MCMDC2: variants seen among roughly 807,000 people sequenced by gnomAD.
MCMDC2 encodes the protein minichromosome maintenance domain containing 2, also known as minichromosome maintenance domain-containing protein 2.
In MCMDC2, 54 loss-of-function variants were observed where a neutral mutation model predicts 75.8. The observed-to-expected ratio is 0.71, with a 90% CI of 0.57 to 0.89. MCMDC2 has a LOEUF of 0.89. Ranked by LOEUF, MCMDC2 falls within the 40% of genes least tolerant of loss-of-function variation. MCMDC2 has a pLI of 0.00. For missense variants in MCMDC2, 656 were observed against 780.4 expected, an observed-to-expected ratio of 0.84 and a Z score of 1.90; for synonymous variants, 249 against 274.6, an observed-to-expected ratio of 0.91 and a Z score of 0.92.
intron 9 of MCMDC2, chr8:66,884,594 GA>G (rs932011706): frequency 6.6e-6 from 1 of 151,250 alleles, no homozygotes; most frequent in South Asian, 2.1e-4. Flanking sequence ...ATTTAAAATA[GA>G]AAAAAATAAA....
intron 9 of MCMDC2, among the ~76,000 whole-genome samples, chr8:66,889,986 G>C (rs1038661616): frequency 1.3e-5 from 2 of 151,808 alleles, no homozygotes; most frequent in Non-Finnish European, 2.9e-5. Flanking sequence ...ATAAAAAGAA[G>C]AAGGCCTAAT....
chr8:66,897,018 A>G (rs1004322453), intron 12 of MCMDC2, 59 bp downstream of exon 12: 20 of 1,459,732 alleles, frequency 1.4e-5, no homozygotes, highest in African/African-American at 8.7e-5. Context: ...CAAATTATAT[A>G]GAAGTCCTTT....
chr8:66,884,087 A>AT, intron 9 of MCMDC2, 93 bp downstream of exon 9: 1 of 799,864 alleles, frequency 1.3e-6, no homozygotes, highest in Non-Finnish European at 2.0e-6. Flanking sequence ...GAATATTTAG[A>AT]ATTTTTCTGA....
chr8:66,893,233 G>T (rs1812194894), intron 10 of MCMDC2, among the ~76,000 whole-genome samples: 1 of 152,174 alleles, frequency 6.6e-6, no homozygotes, highest in African/African-American at 2.4e-5. Context: ...AATTAGCTGG[G>T]CCCAGTGGCT....
chr8:66,877,548 A>AATGT lies in MCMDC2; in HGVS notation c.481+5_481+8dup. 2 of 1,589,428 alleles carry AATGT rather than the reference A, an allele frequency of 1.3e-6. No individual in the cohort carries two copies. The highest frequency in any genetic ancestry group is 1.7e-6 in the Non-Finnish European group (2 of 1,170,478). Reference sequence around the variant, plus strand: ...GAAGCATGCCCTCTTTCAAAAGGTAAATGTTAAATAGGAAAATCAAAGCAT... The same window carrying AATGT: ...GAAGCATGCCCTCTTTCAAAAGGTAAATGTATGTTAAATAGGAAAATCAAAGCAT... On this transcript the variant is annotated splice_donor_region_variant and intron_variant, in intron 5 of 14. Coordinates refer to ENST00000422365, the MANE Select transcript of MCMDC2 (RefSeq NM_173518.5).
rs973515753 is a variant in MCMDC2 at position 66,884,104 on chromosome 8, A to G, written c.1073+110A>G. On this transcript the variant is annotated intron_variant, in intron 9 of 14. Coordinates refer to ENST00000422365, the MANE Select transcript of MCMDC2 (RefSeq NM_173518.5). Reference sequence around the variant, plus strand: ...ATATTTAGAATTTTTCTGAGCCAGTATAAGTATTTAAATCAATCTTTATCA... The same window carrying G: ...ATATTTAGAATTTTTCTGAGCCAGTGTAAGTATTTAAATCAATCTTTATCA... 3.2e-5 allele frequency: 22 copies of G among 690,952 alleles called. No individual in the cohort carries two copies. In the Admixed American group the frequency reaches 5.3e-4, roughly 17 times the overall value. The allele number at this position is 690,952 out of a possible 1,614,324, so 42.8% of individuals were successfully genotyped here. A position where few individuals can be genotyped will look rare whatever the true frequency, so the allele number is the denominator to read the frequency against.
chr8:66,878,241 C>G (rs1293567095), intron 5 of MCMDC2, among the ~76,000 whole-genome samples: 5 of 152,164 alleles, frequency 3.3e-5, no homozygotes, highest in Admixed American at 2.6e-4. Context: ...GAACACGCTG[C>G]AAATGAATAC....
At chr8:66,880,173 G>A (rs1811493686) in intron 7 of MCMDC2, among the ~76,000 whole-genome samples, 1 of 152,174 alleles carries the variant, frequency 6.6e-6, no homozygotes, top group Non-Finnish European at 1.5e-5. Context: ...CTTCTTACTA[G>A]TTATTTAGCC....
At chr8:66,904,316 A>G (rs1266147621) in intron 13 of MCMDC2, among the ~76,000 whole-genome samples, 1 of 152,114 alleles carries the variant, frequency 6.6e-6, no homozygotes, top group Admixed American at 6.6e-5. Flanking sequence ...GAGGAGAGAA[A>G]ACACGGAGCA....
chr8:66,909,104 GT>G (rs1449640514), intron 14 of MCMDC2, among the ~76,000 whole-genome samples: 2 of 152,150 alleles, frequency 1.3e-5, no homozygotes, highest in Non-Finnish European at 2.9e-5. Flanking sequence ...AAATCTGATG[GT>G]TTTATAAGGG....
At chr8:66,911,757 G>T (rs1813131528) in intron 14 of MCMDC2, among the ~76,000 whole-genome samples, 1 of 151,674 alleles carries the variant, frequency 6.6e-6, no homozygotes, top group Admixed American at 6.6e-5. Context: ...TGGGAGTCGG[G>T]GGTTGCAGTG....
intron 10 of MCMDC2, among the ~76,000 whole-genome samples, chr8:66,895,107 A>G (rs1055531245): frequency 6.6e-6 from 1 of 152,234 alleles, no homozygotes; most frequent in Non-Finnish European, 1.5e-5. Context: ...CATATAATCT[A>G]TGCACATCCT....
At chr8:66,883,317 G>C (rs1811681109) in intron 8 of MCMDC2, among the ~76,000 whole-genome samples, 1 of 152,172 alleles carries the variant, frequency 6.6e-6, no homozygotes, top group African/African-American at 2.4e-5. Flanking sequence ...AGCAAACACA[G>C]CAATGCAGGC....
At chr8:66,915,288 C>T (rs1013272285) in intron 14 of MCMDC2, among the ~76,000 whole-genome samples, 1 of 151,886 alleles carries the variant, frequency 6.6e-6, no homozygotes, top group Admixed American at 6.6e-5. Context: ...CCTGTCTCTA[C>T]TAAAAAGACA....
chr8:66,925,765 G>T (rs1813701580), downstream of MCMDC2, among the ~76,000 whole-genome samples: 1 of 152,192 alleles, frequency 6.6e-6, no homozygotes, highest in Non-Finnish European at 1.5e-5. Flanking sequence ...GTGACTTCCC[G>T]CAGGGGCTTT....
intron 14 of MCMDC2, among the ~76,000 whole-genome samples, chr8:66,914,323 A>G (rs1813229332): frequency 6.6e-6 from 1 of 151,506 alleles, no homozygotes; most frequent in African/African-American, 2.4e-5. Context: ...ACTAATGAAT[A>G]TATAATACAA....
chr8:66,885,332 C>CAA (rs34478390), intron 9 of MCMDC2, among the ~76,000 whole-genome samples: 12 of 83,582 alleles, frequency 1.4e-4, no homozygotes, highest in Non-Finnish European at 1.7e-4. Context: ...GACTCTGTCT[C>CAA]AAAAAAAAAA....
rs1813496271 is a variant in MCMDC2, at chr8:66,920,768, T to C, written c.*1599T>C. On this transcript the variant is annotated 3_prime_UTR_variant, in exon 15 of 15. Coordinates refer to ENST00000422365, the MANE Select transcript of MCMDC2 (RefSeq NM_173518.5). ...ACCTCAGCTCCCTGCAGCCTTGACC[T>C]TGCAAGTAATTCTCCCACCTTAGGC... 6.6e-6 allele frequency: 1 copy of C among 152,050 alleles called. No individual in the cohort carries two copies. The highest frequency in any genetic ancestry group is 2.1e-4 in the South Asian group (1 of 4,820). 9.4% of individuals were successfully genotyped at this position (152,050 alleles called of 1,614,324 possible).
At chr8:66,901,624 T>A (rs1812664164) in intron 13 of MCMDC2, 1 of 1,099,460 alleles carries the variant, frequency 9.1e-7, no homozygotes, top group Non-Finnish European at 1.1e-6. Flanking sequence ...CAAATGCAAA[T>A]CCTTGTTTTT....
Sources: gnomAD v4.1 joint callset for allele counts (sites outside exome capture counted in the v4.1 genomes callset) on GRCh38, gnomAD v4.1.1 for gene constraint, MANE v1.5 for transcripts, NCBI Gene and HGNC (gene_info 2026-07-23, HGNC 2026-07-21) for gene names.